The following PTER variants were observed in gnomAD, a reference collection of about 807,000 sequenced individuals.
The protein encoded by PTER is N-acetyltaurine hydrolase.
Under a neutral mutation model 29.6 loss-of-function variants are expected in PTER, and 38 were observed. The ratio of observed to expected loss-of-function variants is 1.28; its 90% CI spans 0.99 to 1.68. The LOEUF is 1.68. Ranked by LOEUF, PTER falls within the 40% of genes most tolerant of loss-of-function variation. The pLI is 0.00. For missense variants in PTER, 482 were observed against 427.8 expected (o/e 1.13, Z -1.12); for synonymous variants, 172 against 154.5 (o/e 1.11, Z -0.84).
chr10:16,489,194 T>C (rs1835808563), intron 3 of PTER, among the ~76,000 whole-genome samples: 1 of 152,228 alleles, frequency 6.6e-6, no homozygotes, highest in South Asian at 2.1e-4. Context: ...GGAATCAATC[T>C]GTCACTTAGC....
At chr10:16,514,807 A>G, downstream of PTER, 2 of 863,968 alleles carry the variant, frequency 2.3e-6, no homozygotes, top group Admixed American at 5.1e-5. Flanking sequence ...CTGCCATAGT[A>G]CAGAATTTAG....
intron 1 of PTER, among the ~76,000 whole-genome samples, chr10:16,481,831 CAGA>C (rs1394289915): frequency 6.6e-6 from 1 of 152,104 alleles, no homozygotes; most frequent in East Asian, 1.9e-4. Flanking sequence ...GATGGTCAGC[CAGA>C]AGGAAAGAAA....
In PTER at chr10:16,484,712, T is replaced by A. The variant is rs1835621797; in HGVS notation, c.328T>A (p.Leu110Met). Residue 110 changes from leucine to methionine, a missense_variant, in exon 2 of 5, where the codon TTG (leucine) becomes ATG (methionine). By Grantham distance (15) the Leu-to-Met change is conservative. Coordinates refer to ENST00000535784, the MANE Select transcript of PTER (RefSeq NM_001261836.2). ...TTGISRDTQT[L>M]KRLAEETGVH... Reference sequence around the variant, plus strand: ...TGGGATTAGCCGAGACACACAGACGTTGAAGAGGCTTGCAGAAGAGACTGG... The same window carrying A: ...TGGGATTAGCCGAGACACACAGACGATGAAGAGGCTTGCAGAAGAGACTGG... 2 of 1,614,130 alleles carry A rather than the reference T, an allele frequency of 1.2e-6. No individual in the cohort carries two copies. Among genetic ancestry groups the A allele is most frequent in the Non-Finnish European group, 8.5e-7 (1 of 1,180,020 alleles).
chr10:16,446,860 C>T (rs1834032149), intron 1 of PTER, among the ~76,000 whole-genome samples: 1 of 152,020 alleles, frequency 6.6e-6, no homozygotes, highest in Admixed American at 6.6e-5. Flanking sequence ...GCAATCTCGG[C>T]TTGCTGCAAC....
chr10:16,443,763 C>T (rs1419740839), intron 1 of PTER, among the ~76,000 whole-genome samples: 2 of 152,152 alleles, frequency 1.3e-5, no homozygotes, highest in South Asian at 2.1e-4. Context: ...CATATTTTTA[C>T]CAAAAATTTC....
chr10:16,474,668 A>G (rs925492477), intron 1 of PTER, among the ~76,000 whole-genome samples: 4 of 152,028 alleles, frequency 2.6e-5, no homozygotes, highest in Non-Finnish European at 4.4e-5. Flanking sequence ...CAGGTGGATC[A>G]TGAGGTCAGG....
chr10:16,514,162 G>C (rs1027998126), downstream of PTER: 5 of 398,728 alleles, frequency 1.3e-5, no homozygotes, highest in Non-Finnish European at 1.8e-5. Context: ...AACCAAAGCT[G>C]ACATATGGAT....
intron 2 of PTER, 39 bp downstream of exon 2, chr10:16,484,855 A>G (rs1835632754): frequency 6.5e-7 from 1 of 1,538,808 alleles, no homozygotes; most frequent in African/African-American, 1.4e-5. Context: ...TTGTTCATAA[A>G]TTCAGAACAG....
chr10:16,498,753 A>C (rs977879573), intron 3 of PTER, among the ~76,000 whole-genome samples: 1 of 152,174 alleles, frequency 6.6e-6, no homozygotes, highest in Non-Finnish European at 1.5e-5. Flanking sequence ...TGGCACACAG[A>C]GTTCATTTTC....
chr10:16,497,317 T>G (rs1257927915), intron 3 of PTER, among the ~76,000 whole-genome samples: 1 of 152,178 alleles, frequency 6.6e-6, no homozygotes, highest in African/African-American at 2.4e-5. Flanking sequence ...TCAAAGTGAA[T>G]CAAGTGAAAA....
At chr10:16,509,925 T>A (rs188955550) in intron 4 of PTER, among the ~76,000 whole-genome samples, 2 of 152,178 alleles carry the variant, frequency 1.3e-5, no homozygotes, top group African/African-American at 4.8e-5. Flanking sequence ...TGCTTGAGTT[T>A]TTTTTGTGTG....
chr10:16,437,246 C>T (rs1191854159), intron 1 of PTER, 199 bp downstream of exon 1: 2 of 152,246 alleles, frequency 1.3e-5, no homozygotes, highest in African/African-American at 4.8e-5. Flanking sequence ...GCAAAGAGCG[C>T]CAGTCCCGTG....
At chr10:16,452,349 T>C (rs1235689622) in intron 1 of PTER, among the ~76,000 whole-genome samples, 2 of 151,052 alleles carry the variant, frequency 1.3e-5, no homozygotes, top group Non-Finnish European at 2.9e-5. Flanking sequence ...CAGGCTGGAG[T>C]GCAGTGGCAT....
chr10:16,508,058 TTTTTTC>T (rs1230546228), intron 4 of PTER, among the ~76,000 whole-genome samples: 4 of 146,194 alleles, frequency 2.7e-5, no homozygotes, highest in Non-Finnish European at 5.9e-5. Context: ...TCTTTTTTCT[TTTTTTC>T]TTTTTCTTTT....
chr10:16,514,510 AGCTTAGTTTCT>A, downstream of PTER: 1 of 1,605,996 alleles, frequency 6.2e-7, no homozygotes. Context: ...CAGAATAATA[AGCTTAGTTTCT>A]GCATTATCAG....
intron 1 of PTER, among the ~76,000 whole-genome samples, chr10:16,481,973 A>G (rs1030886459): frequency 1.3e-5 from 2 of 152,164 alleles, no homozygotes; most frequent in Admixed American, 6.5e-5. Context: ...GTAAATTCCT[A>G]TCCATCATCA....
At chr10:16,495,395 A>G (rs1836057647) in intron 3 of PTER, among the ~76,000 whole-genome samples, 1 of 152,116 alleles carries the variant, frequency 6.6e-6, no homozygotes, top group South Asian at 2.1e-4. Context: ...GTCTCAAACT[A>G]TCGACCTCAA....
downstream of PTER, chr10:16,513,755 A>G (rs565680273): frequency 1.3e-5 from 2 of 152,712 alleles, no homozygotes; most frequent in Non-Finnish European, 2.9e-5. Flanking sequence ...ATCTAAATGT[A>G]TTCAGTTGAC....
At chr10:16,455,899 G>T (rs1277593731) in intron 1 of PTER, among the ~76,000 whole-genome samples, 16 of 152,176 alleles carry the variant, frequency 1.1e-4, no homozygotes, top group Non-Finnish European at 2.9e-5. Context: ...AGCACTTAGA[G>T]AACACATCTT....
Sources: gnomAD v4.1 joint callset for allele counts (sites outside exome capture counted in the v4.1 genomes callset) on GRCh38, gnomAD v4.1.1 for gene constraint, MANE v1.5 for transcripts, NCBI Gene and HGNC (gene_info 2026-07-23, HGNC 2026-07-21) for gene names.